NOTCH3: variants seen among roughly 807,000 people sequenced by gnomAD.
NOTCH3 encodes the protein notch receptor 3, also known as neurogenic locus notch homolog protein 3.
NOTCH3 carries 86 observed loss-of-function variants against 213.3 expected under a neutral mutation model. The ratio of observed to expected loss-of-function variants is 0.40; its 90% confidence interval spans 0.34 to 0.48. The LOEUF (loss-of-function observed/expected upper bound fraction) is 0.48, where lower values mean the gene tolerates loss of function less well. Ranked by LOEUF, NOTCH3 falls within the 20% of genes least tolerant of loss-of-function variation. NOTCH3 has a pLI of 0.57. For synonymous variants in NOTCH3, 1,354 were observed against 1,355.9 expected (o/e 1.00, Z 0.03); for missense variants, 2,783 against 3,272.6 (o/e 0.85, Z 3.65).
chr19:15,162,570 A>T lies in NOTCH3; in HGVS notation c.5816-8T>A, dbSNP rs4809030. The T allele has an allele frequency of 6.2e-7, 1 of 1,612,468 alleles. No homozygotes were observed. Among genetic ancestry groups the T allele is most frequent in the Non-Finnish European group, 8.5e-7 (1 of 1,178,946 alleles). ...AGTGTAAGGCTGATTTCCCTGGAGG[A>T]TGAAGGGGAGAGAGGTCAGGACCAG... is the stretch of plus-strand genomic sequence containing the variant. On this transcript the variant is annotated splice_region_variant and splice_polypyrimidine_tract_variant and intron_variant, in intron 31 of 32. Coordinates refer to ENST00000263388, the MANE Select transcript of NOTCH3 (RefSeq NM_000435.3).
At position 15,165,994 on chromosome 19, in the gene NOTCH3, G is replaced by A. The variant is rs114661066; in HGVS notation, c.5460C>T (p.Ile1820=). 2 of 1,614,210 alleles carry A rather than the reference G, an allele frequency of 1.2e-6. No individual in the cohort carries two copies. Among genetic ancestry groups the A allele is most frequent in the East Asian group, 2.2e-5 (1 of 44,882 alleles). ...EDEADDTSAS[I]ISDLICQGAQ... ...CCCCCTGGCAGATCAGGTCGGAGATGATGCTAGCTGATGTGTCATCTGCCT... is the reference window on the plus strand; with the variant it reads ...CCCCCTGGCAGATCAGGTCGGAGATAATGCTAGCTGATGTGTCATCTGCCT... The change falls in exon 30 of 33, where the codon ATC becomes ATT. Residue 1820 remains isoleucine (I), a synonymous_variant. Coordinates refer to ENST00000263388, the MANE Select transcript of NOTCH3 (RefSeq NM_000435.3). The surrounding 1 kb of genome is among the most constrained non-coding windows in gnomAD (Gnocchi z 4.7).
Position 15,165,665 on chromosome 19 carries a change from T to A in NOTCH3, c.5667+122A>T, listed in dbSNP as rs2046679864. On this transcript the variant is annotated intron_variant, in intron 30 of 32. Transcript: ENST00000263388. This position sits in a 1 kb window ranked among gnomAD's most constrained non-coding sequence, Gnocchi z 4.7. ...AGCAGCTGCTTGACAGATACTGTAT[T>A]CCCATATATCCCCATTTTCCAAATG... is the stretch of plus-strand genomic sequence containing the variant. 2.3e-6 allele frequency: 3 copies of A among 1,330,784 alleles called. No homozygotes were observed. 82.4% of individuals were successfully genotyped at this position (1,330,784 alleles called of 1,614,324 possible).
At chr19:15,197,466 AGGG>A in intron 2 of NOTCH3, 31 bp downstream of exon 2, 5 of 646,164 alleles carry the variant, frequency 7.7e-6, no homozygotes, top group Non-Finnish European at 1.1e-5. Context: ...CCCCACACAC[AGGG>A]CCCACTGGTG....
In NOTCH3 at chr19:15,170,491, C is replaced by A. The variant is rs776163085; in HGVS notation, c.4954G>T (p.Val1652Phe). 3 of 1,604,178 alleles carry A rather than the reference C, an allele frequency of 1.9e-6. No homozygotes were observed. The East Asian group carries it at 6.7e-5, about 36-fold the overall frequency. Residue 1652 changes from valine to phenylalanine, a missense_variant, in exon 27 of 33, where the codon GTC (valine) becomes TTC (phenylalanine). By Grantham distance (50) the Val-to-Phe change is conservative (BLOSUM62 -1). Around this residue, in one of 6 missense-constraint regions of NOTCH3, gnomAD observed 636 missense variants for 801.8 expected, o/e 0.79. Coordinates refer to ENST00000263388, the MANE Select transcript of NOTCH3 (RefSeq NM_000435.3). ...PLLPLLVAGAVLLLVILVLGV... is the reference protein window; with the variant it reads ...PLLPLLVAGAFLLLVILVLGV... ...AGGACGAGAATGACCAGCAGCAAGACAGCGCCCGCCACTAGCAGTGGCAGC... is the reference window on the plus strand; with the variant it reads ...AGGACGAGAATGACCAGCAGCAAGAAAGCGCCCGCCACTAGCAGTGGCAGC...
chr19:15,162,020 C>T (rs1265862433), intron 32 of NOTCH3, among the ~76,000 whole-genome samples: 6 of 124,398 alleles, frequency 4.8e-5, no homozygotes, highest in East Asian at 2.4e-4. Flanking sequence ...CTCACTGTGT[C>T]GCCCAGGCTG....
At chr19:15,171,090 G>A (rs1357320587) in intron 25 of NOTCH3, among the ~76,000 whole-genome samples, 3 of 152,112 alleles carry the variant, frequency 2.0e-5, no homozygotes, top group African/African-American at 7.2e-5. Flanking sequence ...GCAGTGGTGC[G>A]ATCTCGGCTC....
intron 16 of NOTCH3, among the ~76,000 whole-genome samples, chr19:15,183,924 C>T (rs539685483): frequency 2.0e-5 from 3 of 150,800 alleles, no homozygotes; most frequent in Admixed American, 6.7e-5. Flanking sequence ...CTGTGGTGTG[C>T]GCCTATAGTC....
rs1057138665 is a variant in NOTCH3, at chr19:15,179,083, C to G, written c.3660G>C (p.Arg1220=). 1 of 1,614,224 alleles carries G rather than the reference C, an allele frequency of 6.2e-7. No homozygotes were observed. Residue 1220 remains arginine, a synonymous_variant, in exon 22 of 33, where the codon CGG becomes CGC. Transcript: ENST00000263388. ...CTCCGCCTGGGTCCTGCAGGCAGTC[C>G]CGGGTGTGTGCCGCGTGGCAGGCAC... is the stretch of plus-strand genomic sequence containing the variant. The part of the protein sequence containing the change: ...RSGACHAAHT[R]DCLQDPGGGF...
In NOTCH3 at chr19:15,179,101, G is replaced by A. The variant is rs78985996; in HGVS notation, c.3642C>T (p.Cys1214=). 1.4e-5 allele frequency: 22 copies of A among 1,614,198 alleles called. No homozygotes were observed. The African/African-American group carries it at 2.0e-4, about 15-fold the overall frequency. The change falls in exon 22 of 33, where the codon TGC becomes TGT. Residue 1214 remains cysteine, a synonymous_variant. Transcript: ENST00000263388. ...GGCAGTCCCGGGTGTGTGCCGCGTG[G>A]CAGGCACCTGAGCGACACTCATTGA... ...ADINECRSGA[C]HAAHTRDCLQ...
chr19:15,185,598 C>T lies in NOTCH3; in HGVS notation c.2033G>A (p.Gly678Asp), dbSNP rs1599387375. 6.2e-7 allele frequency: 1 copy of T among 1,613,632 alleles called. No individual in the cohort carries two copies. Residue 678 changes from glycine to aspartate, a missense_variant, in exon 13 of 33, where the codon GGC becomes GAC. Gly to Asp is a moderately conservative substitution (Grantham distance 94). Transcript: ENST00000263388. The surrounding 1 kb of genome is among the most constrained non-coding windows in gnomAD (Gnocchi z 4.2). Reference sequence around the variant, plus strand: ...GCCAGGCGGGCAGAGGCAGCGGAAGCCATTTTCCCCATCCACACAGGAACC... The same window carrying T: ...GCCAGGCGGGCAGAGGCAGCGGAAGTCATTTTCCCCATCCACACAGGAACC... ...EGGSCVDGEN[G>D]FRCLCPPGSL...
chr19:15,161,799 T>C, intron 32 of NOTCH3, 85 bp from the exon 33 acceptor site: 6 of 1,198,958 alleles, frequency 5.0e-6, no homozygotes, highest in East Asian at 5.0e-5. Flanking sequence ...GCCCGAGAGC[T>C]ATGAGTTTGT....
At chr19:15,188,154 G>A in intron 9 of NOTCH3, 81 bp downstream of exon 9, 1 of 1,120,410 alleles carries the variant, frequency 8.9e-7, no homozygotes, top group Non-Finnish European at 1.3e-6. Flanking sequence ...ATCCGCTAAC[G>A]TGGTTTTACA....
intron 32 of NOTCH3, among the ~76,000 whole-genome samples, 183 bp from the exon 33 acceptor site, chr19:15,161,897 C>T (rs945163553): frequency 6.6e-6 from 1 of 152,016 alleles, no homozygotes; most frequent in Admixed American, 6.6e-5. Context: ...ATTCATCCAT[C>T]ACCTACTAAG....
rs779880435 is a variant in NOTCH3 at position 15,174,336 on chromosome 19, T to G, written c.4468A>C (p.Thr1490Pro). 6.4e-7 allele frequency: 1 copy of G among 1,552,486 alleles called. No homozygotes were observed. The highest frequency in any genetic ancestry group is 8.7e-7 in the Non-Finnish European group (1 of 1,148,102). ...ADGRCDQGCNTEECGWDGLDC... is the reference protein window; with the variant it reads ...ADGRCDQGCNPEECGWDGLDC... The stretch of plus-strand genomic sequence containing the variant: ...AGCCCATCCCAGCCGCACTCCTCCG[T>G]GTTGCAGCCCTGGTCGCAGCGGCCG... Residue 1490 changes from threonine to proline, a missense_variant, in exon 25 of 33, where the codon ACG becomes CCG. Thr to Pro is a conservative substitution (Grantham distance 38). Transcript: ENST00000263388.
At chr19:15,178,418 T>TC (rs1340786221) in intron 23 of NOTCH3, 4 of 426,912 alleles carry the variant, frequency 9.4e-6, no homozygotes, top group African/African-American at 8.0e-5. Flanking sequence ...AGACGGAGTG[T>TC]CACTCAGTCG....
chr19:15,163,168 G>T (rs2046659821), intron 31 of NOTCH3, among the ~76,000 whole-genome samples: 1 of 152,164 alleles, frequency 6.6e-6, no homozygotes, highest in Admixed American at 6.5e-5. Flanking sequence ...GCCTCCCAAA[G>T]TGTTGGGATT....
chr19:15,188,618 C>T (rs540179664), intron 8 of NOTCH3, among the ~76,000 whole-genome samples: 1 of 152,026 alleles, frequency 6.6e-6, no homozygotes, highest in Admixed American at 6.6e-5. Flanking sequence ...AGCCCTTTCC[C>T]CAGTCCCCAG....
intron 12 of NOTCH3, among the ~76,000 whole-genome samples, chr19:15,186,373 TTTTGTATG>T (rs1308404178): frequency 5.1e-5 from 6 of 117,944 alleles, no homozygotes; most frequent in African/African-American, 2.0e-4. Context: ...TTTTGTTTGT[TTTTGTATG>T]TGTGTGTGTG....
At chr19:15,180,049 T>C in intron 20 of NOTCH3, 23 bp downstream of exon 20, 1 of 1,557,132 alleles carries the variant, frequency 6.4e-7, no homozygotes, top group Non-Finnish European at 8.8e-7. Flanking sequence ...TCCTCTTCCC[T>C]CTCCTGGGGA....
Sources: allele counts gnomAD v4.1 joint callset (sites outside exome capture counted in the v4.1 genomes callset), GRCh38; gene constraint gnomAD v4.1.1; regional missense constraint gnomAD v4.1.1; non-coding constraint Gnocchi (gnomAD v3.1); transcripts MANE v1.5; gene names NCBI Gene and HGNC (gene_info 2026-07-23, HGNC 2026-07-21).